Variants in STAG1 observed in about 807,000 individuals in gnomAD.
STAG1 encodes cohesin subunit SA-1.
STAG1 carries 26 observed loss-of-function variants against 170.9 expected under a neutral mutation model. The ratio of observed to expected loss-of-function variants is 0.15; its 90% CI spans 0.11 to 0.21. The LOEUF is 0.21. Among genes scored for constraint, STAG1 ranks in the 10% least tolerant of loss-of-function variants. The probability of loss-of-function intolerance (pLI) is 1.00; values close to 1 mark genes in which losing one functional copy is unlikely to be tolerated. For missense variants in STAG1, 964 were observed against 1,509.5 expected, an observed-to-expected ratio of 0.64 and a Z score of 5.99; for synonymous variants, 514 against 497.7, an observed-to-expected ratio of 1.03 and a Z score of -0.44.
intron 5 of STAG1, among the ~76,000 whole-genome samples, chr3:136,562,067 A>G (rs1466279247): frequency 6.6e-6 from 1 of 152,180 alleles, no homozygotes; most frequent in African/African-American, 2.4e-5. Context: ...CTATTATACA[A>G]CCACAGTATA....
At chr3:136,465,423 G>T (rs981764274) in intron 12 of STAG1, among the ~76,000 whole-genome samples, 1 of 151,534 alleles carries the variant, frequency 6.6e-6, no homozygotes, top group South Asian at 2.1e-4. Flanking sequence ...GTTTCGTCAT[G>T]TTAGGCAGAC....
chr3:136,370,239 T>C (rs1937257253), intron 23 of STAG1, among the ~76,000 whole-genome samples: 2 of 152,142 alleles, frequency 1.3e-5, no homozygotes, highest in Non-Finnish European at 2.9e-5. Context: ...GACAGCTCCA[T>C]GCAAAATACT....
intron 29 of STAG1, among the ~76,000 whole-genome samples, chr3:136,345,455 G>GTTTTTTTT (rs34593330): frequency 2.0e-5 from 2 of 99,274 alleles, no homozygotes; most frequent in African/African-American, 4.5e-5. Flanking sequence ...TTACCTAGTT[G>GTTTTTTTT]TTTTTTTTTT....
intron 1 of STAG1, among the ~76,000 whole-genome samples, chr3:136,679,485 T>C (rs1261050318): frequency 6.6e-6 from 1 of 151,936 alleles, no homozygotes; most frequent in Admixed American, 6.6e-5. Flanking sequence ...TCCCAGCACT[T>C]TGGGAGGCCC....
intron 13 of STAG1, among the ~76,000 whole-genome samples, chr3:136,457,501 T>C (rs891744791): frequency 2.6e-5 from 4 of 152,180 alleles, no homozygotes; most frequent in African/African-American, 9.7e-5. Context: ...CAATAAATAG[T>C]GTGGGCTCCC....
chr3:136,695,937 T>C (rs1942875233), intron 1 of STAG1, among the ~76,000 whole-genome samples: 1 of 152,156 alleles, frequency 6.6e-6, no homozygotes, highest in Non-Finnish European at 1.5e-5. Context: ...ACACCAGGTA[T>C]GTCAAAAGCA....
chr3:136,527,214 T>C (rs1935081010), intron 6 of STAG1, among the ~76,000 whole-genome samples: 1 of 152,232 alleles, frequency 6.6e-6, no homozygotes, highest in African/African-American at 2.4e-5. Context: ...ATTCTCCCTG[T>C]CACTTTCAGG....
intron 5 of STAG1, among the ~76,000 whole-genome samples, chr3:136,557,838 C>A (rs1936688445): frequency 2.0e-5 from 3 of 151,368 alleles, no homozygotes; most frequent in Non-Finnish European, 4.4e-5. Context: ...AGGGCCTGGT[C>A]AATAATTTCT....
At chr3:136,453,837 A>AT (rs1293129630) in intron 13 of STAG1, among the ~76,000 whole-genome samples, 1 of 152,030 alleles carries the variant, frequency 6.6e-6, no homozygotes, top group Non-Finnish European at 1.5e-5. Flanking sequence ...GAGAGGCAAA[A>AT]TAACTGAATA....
At chr3:136,478,925 C>A (rs1386916091) in intron 9 of STAG1, among the ~76,000 whole-genome samples, 1 of 152,000 alleles carries the variant, frequency 6.6e-6, no homozygotes, top group South Asian at 2.1e-4. Context: ...GTTTCCTCAT[C>A]TCTAAAATAG....
At chr3:136,426,594 C>T (rs1198707663) in intron 16 of STAG1, among the ~76,000 whole-genome samples, 1 of 152,166 alleles carries the variant, frequency 6.6e-6, no homozygotes, top group Non-Finnish European at 1.5e-5. Context: ...CACACACACA[C>T]TTACAGATTG....
intron 30 of STAG1, among the ~76,000 whole-genome samples, chr3:136,343,317 G>T (rs1007349620): frequency 6.6e-6 from 1 of 152,206 alleles, no homozygotes; most frequent in Non-Finnish European, 1.5e-5. Context: ...GGAAAGGTAA[G>T]ACCTTGATTT....
At chr3:136,451,565 C>T (rs2088942730) in intron 14 of STAG1, among the ~76,000 whole-genome samples, 1 of 152,102 alleles carries the variant, frequency 6.6e-6, no homozygotes, top group South Asian at 2.1e-4. Flanking sequence ...GAGTTCAAGA[C>T]CAGCCTGGCC....
chr3:136,478,175 G>C (rs2089807100), intron 9 of STAG1, among the ~76,000 whole-genome samples: 1 of 152,164 alleles, frequency 6.6e-6, no homozygotes, highest in Non-Finnish European at 1.5e-5. Context: ...TCTTTCATCT[G>C]TAATAATATA....
chr3:136,653,087 A>C (rs1941269349), intron 1 of STAG1, among the ~76,000 whole-genome samples: 1 of 152,168 alleles, frequency 6.6e-6, no homozygotes, highest in Admixed American at 6.5e-5. Context: ...AGCCTGACCA[A>C]CATAGAGAAA....
intron 16 of STAG1, among the ~76,000 whole-genome samples, chr3:136,428,783 A>AG (rs1444460926): frequency 6.6e-6 from 1 of 152,246 alleles, no homozygotes; most frequent in East Asian, 1.9e-4. Context: ...TTGTGGTTAT[A>AG]GTATAAAATG....
chr3:136,598,052 G>A (rs1938507483), intron 4 of STAG1, among the ~76,000 whole-genome samples: 1 of 151,728 alleles, frequency 6.6e-6, no homozygotes, highest in Non-Finnish European at 1.5e-5. Context: ...GTAAGTATAG[G>A]CTTTTTTCTC....
At chr3:136,499,399 T>C (rs1229241107) in intron 9 of STAG1, among the ~76,000 whole-genome samples, 3 of 152,190 alleles carry the variant, frequency 2.0e-5, no homozygotes, top group African/African-American at 4.8e-5. Context: ...TGGCCTCAAG[T>C]GATCCTCCCA....
At chr3:136,457,403 G>A (rs561387728) in intron 13 of STAG1, among the ~76,000 whole-genome samples, 10 of 152,060 alleles carry the variant, frequency 6.6e-5, no homozygotes, top group Non-Finnish European at 1.5e-4. Flanking sequence ...TTGATGCACC[G>A]CTACCTTTCT....
Sources: gnomAD v4.1 joint callset for allele counts (sites outside exome capture counted in the v4.1 genomes callset) on GRCh38, gnomAD v4.1.1 for gene constraint, MANE v1.5 for transcripts, NCBI Gene and HGNC (gene_info 2026-07-23, HGNC 2026-07-21) for gene names.